The following CREM variants were observed in gnomAD, a reference collection of about 807,000 sequenced individuals.
The protein encoded by CREM is cAMP responsive element modulator, also known as cAMP-responsive element modulator.
CREM carries 13 observed loss-of-function variants against 37.3 expected under a neutral mutation model. That is an observed-to-expected ratio of 0.35 (90% confidence interval 0.23 to 0.55). CREM has a LOEUF of 0.55. Among genes scored for constraint, CREM ranks in the 20% least tolerant of loss-of-function variants. CREM has a pLI of 0.88. For missense variants in CREM, 296 were observed against 362.3 expected, an observed-to-expected ratio of 0.82 and a Z score of 1.49; for synonymous variants, 124 against 120.2, an observed-to-expected ratio of 1.03 and a Z score of -0.21.
chr10:35,184,985 A>G (rs12775829), intron 5 of CREM, among the ~76,000 whole-genome samples: 20,630 of 152,130 alleles, frequency 0.14, 1,588 homozygotes, highest in South Asian at 0.2. Context: ...CTAGATTCAC[A>G]GGGGGCTTAA....
chr10:35,197,424 A>C (rs1167137541), intron 6 of CREM, among the ~76,000 whole-genome samples: 1 of 116,736 alleles, frequency 8.6e-6, no homozygotes, highest in Non-Finnish European at 1.7e-5. Context: ...TACTTTATTT[A>C]TTTATTTATT....
At chr10:35,187,660 T>TTTTTC (rs1191816181) in intron 5 of CREM, among the ~76,000 whole-genome samples, 101 of 152,202 alleles carry the variant, frequency 6.6e-4, no homozygotes, top group African/African-American at 2.0e-3. Flanking sequence ...TAAATGGGAA[T>TTTTTC]TTTTCTTTTC....
At chr10:35,188,931 C>T (rs1011362658) in intron 6 of CREM, among the ~76,000 whole-genome samples, 1 of 152,052 alleles carries the variant, frequency 6.6e-6, no homozygotes, top group Non-Finnish European at 1.5e-5. Flanking sequence ...GCCTCAGCCT[C>T]CTAAAGTGCT....
intron 3 of CREM, among the ~76,000 whole-genome samples, chr10:35,156,185 C>T (rs555867767): frequency 6.6e-6 from 1 of 151,886 alleles, no homozygotes; most frequent in Non-Finnish European, 1.5e-5. Context: ...GTGATCCATC[C>T]ACCTCAGCCT....
chr10:35,152,444 A>G (rs1157945646), intron 3 of CREM: 2 of 152,222 alleles, frequency 1.3e-5, no homozygotes, highest in Admixed American at 6.5e-5. Flanking sequence ...CTTTGTAGTA[A>G]TAAATGGAGC....
rs538499526 is a variant in CREM at position 35,175,830 on chromosome 10, C to T, written c.169-3059C>T. 423 of 1,601,798 alleles carry T rather than the reference C, an allele frequency of 2.6e-4. 4 individuals carry two copies. In the South Asian group the frequency reaches 4.4e-3, roughly 17 times the overall value. On this transcript the variant is annotated intron_variant, in intron 3 of 7. Coordinates refer to ENST00000685392, the MANE Select transcript of CREM (RefSeq NM_183011.2). ...TAACAAAAAAGGTCCAGCTTTAATCCTCAATGGTGATCATTTTGGCAGGTT... is the reference window on the plus strand; with the variant it reads ...TAACAAAAAAGGTCCAGCTTTAATCTTCAATGGTGATCATTTTGGCAGGTT...
At chr10:35,166,864 G>A (rs1253698959) in intron 3 of CREM, among the ~76,000 whole-genome samples, 4 of 151,828 alleles carry the variant, frequency 2.6e-5, no homozygotes, top group African/African-American at 7.3e-5. Flanking sequence ...AAAGTGGGCC[G>A]GGCACGGTGG....
intron 7 of CREM, among the ~76,000 whole-genome samples, chr10:35,209,837 T>G (rs2095624588): frequency 6.6e-6 from 1 of 152,222 alleles, no homozygotes; most frequent in Admixed American, 6.5e-5. Context: ...TCATTTAGAT[T>G]AAATTAGTCA....
At chr10:35,163,464 G>A (rs2093391204) in intron 3 of CREM, among the ~76,000 whole-genome samples, 1 of 151,974 alleles carries the variant, frequency 6.6e-6, no homozygotes, top group Admixed American at 6.6e-5. Flanking sequence ...TGAGATGATT[G>A]CTTGAGCACA....
intron 6 of CREM, among the ~76,000 whole-genome samples, chr10:35,192,351 CGTTTT>C (rs1052340027): frequency 6.6e-6 from 1 of 151,994 alleles, no homozygotes; most frequent in African/African-American, 2.4e-5. Flanking sequence ...TGTTTTGTTT[CGTTTT>C]GTTTTGTTTT....
In CREM at chr10:35,175,511, T is replaced by C; in HGVS notation, c.169-3378T>C. 3 of 635,528 alleles carry C rather than the reference T, an allele frequency of 4.7e-6. No individual in the cohort carries two copies. The East Asian group carries it at 8.3e-5, about 18-fold the overall frequency. The allele number at this position is 635,528 out of a possible 1,614,324, so 39.4% of individuals were successfully genotyped here. A position where few individuals can be genotyped will look rare whatever the true frequency, so the allele number is the denominator to read the frequency against. On this transcript the variant is annotated intron_variant, in intron 3 of 7. Transcript: ENST00000685392. ...TCTGAAGAAGTTAGAGGGTAGTTTA[T>C]ACTCTGGCCTAAGAAAGGCTTCACT...
chr10:35,135,361 G>T (rs1393412862), intron 1 of CREM: 1 of 152,110 alleles, frequency 6.6e-6, no homozygotes, highest in Non-Finnish European at 1.5e-5. Context: ...TAGAAAATTG[G>T]TAGTATATAA....
intron 3 of CREM, among the ~76,000 whole-genome samples, chr10:35,169,119 T>G (rs1396348790): frequency 6.6e-6 from 1 of 152,222 alleles, no homozygotes; most frequent in Non-Finnish European, 1.5e-5. Context: ...AAGTCGTTTT[T>G]TCCATTTCTC....
Position 35,189,062 on chromosome 10 carries a change from A to G in CREM, c.598+674A>G, listed in dbSNP as rs181282251. 6.4e-4 allele frequency among the ~76,000 whole-genome samples: 97 copies of G among 152,346 alleles called. 1 individual carries two copies. Among genetic ancestry groups the G allele is most frequent in the Admixed American group, 5.9e-3 (90 of 15,300 alleles). ...ATAGATTTCTATTACCTAATCTATG[A>G]CAATTTAAGTATTCAGGCTATGATG... On this transcript the variant is annotated intron_variant, in intron 6 of 7. Coordinates refer to ENST00000685392, the MANE Select transcript of CREM (RefSeq NM_183011.2).
chr10:35,191,364 A>C (rs1426328016), intron 6 of CREM, among the ~76,000 whole-genome samples: 1 of 152,190 alleles, frequency 6.6e-6, no homozygotes, highest in Non-Finnish European at 1.5e-5. Flanking sequence ...CTGTGATCCT[A>C]TGTGAATGTT....
intron 1 of CREM, among the ~76,000 whole-genome samples, chr10:35,131,673 T>A (rs1426698450): frequency 6.6e-6 from 1 of 152,196 alleles, no homozygotes; most frequent in African/African-American, 2.4e-5. Context: ...TTCAGATGTG[T>A]AAGATAGGAC....
chr10:35,211,614 C>CA lies in CREM; in HGVS notation c.*222dup. 6.3e-7 allele frequency: 1 copy of CA among 1,598,586 alleles called. No homozygotes were observed. Among genetic ancestry groups the CA allele is most frequent in the Non-Finnish European group, 8.5e-7 (1 of 1,172,782 alleles). On this transcript the variant is annotated 3_prime_UTR_variant, in exon 8 of 8. Transcript: ENST00000685392. Reference sequence around the variant, plus strand: ...CTTTGATCTGTTTGTCAATAGCATGCAAAAAATGCTTTGTTTGCCCTTTGC... The same window carrying CA: ...CTTTGATCTGTTTGTCAATAGCATGCAAAAAAATGCTTTGTTTGCCCTTTGC...
intron 5 of CREM, among the ~76,000 whole-genome samples, 156 bp from the exon 6 acceptor site, chr10:35,188,044 C>T (rs922457561): frequency 6.6e-6 from 1 of 152,178 alleles, no homozygotes; most frequent in South Asian, 2.1e-4. Context: ...CGTCCCATGA[C>T]GAAGCTGATC....
intron 2 of CREM, among the ~76,000 whole-genome samples, chr10:35,148,081 G>A (rs1463916445): frequency 6.6e-6 from 1 of 152,198 alleles, no homozygotes; most frequent in Non-Finnish European, 1.5e-5. Flanking sequence ...CCTTGGGGAT[G>A]AGAGCCAGGT....
Sources: allele counts gnomAD v4.1 joint callset (sites outside exome capture counted in the v4.1 genomes callset), GRCh38; gene constraint gnomAD v4.1.1; transcripts MANE v1.5; gene names NCBI Gene and HGNC (gene_info 2026-07-23, HGNC 2026-07-21).